Variants in AHI1 observed in about 807,000 individuals in gnomAD.
The protein encoded by AHI1 is jouberin.
AHI1 carries 123 observed loss-of-function variants against 149.3 expected under a neutral mutation model. That is an observed-to-expected ratio of 0.82 (90% confidence interval 0.71 to 0.96). The LOEUF (loss-of-function observed/expected upper bound fraction) is 0.96. Ranked by LOEUF, AHI1 falls within the 40% of genes least tolerant of loss-of-function variation. AHI1 has a pLI of 0.00. For missense variants in AHI1, 1,439 were observed against 1,422.7 expected (o/e 1.01, Z -0.18); for synonymous variants, 475 against 459.8 (o/e 1.03, Z -0.42).
intron 27 of AHI1, among the ~76,000 whole-genome samples, chr6:135,293,161 A>G (rs1239998494): frequency 6.6e-6 from 1 of 152,172 alleles, no homozygotes; most frequent in Non-Finnish European, 1.5e-5. Context: ...TACTTAACTA[A>G]TGCAAAAACA....
At chr6:135,401,538 C>T (rs898080501) in intron 22 of AHI1, among the ~76,000 whole-genome samples, 5 of 152,166 alleles carry the variant, frequency 3.3e-5, no homozygotes, top group Admixed American at 2.6e-4. Context: ...TAAATACACT[C>T]TGTTGTTAAG....
Position 135,492,610 on chromosome 6 carries a change from T to G in AHI1, c.-54-319A>C, listed in dbSNP as rs1199454570. ...TTTTTAAAGTGTTTTAATACATTAA[T>G]GAACATTTCAACGCACTTTTAAGAA... On this transcript the variant is annotated intron_variant, in intron 3 of 28. Coordinates refer to ENST00000265602, the MANE Select transcript of AHI1 (RefSeq NM_001134831.2). The G allele has an allele frequency of 4.1e-6, 4 of 985,330 alleles. No homozygotes were observed. In the East Asian group the frequency reaches 3.4e-4, roughly 84 times the overall value. 61.0% of individuals were successfully genotyped at this position (985,330 alleles called of 1,614,324 possible). A position where few individuals can be genotyped will look rare whatever the true frequency, so the allele number is the denominator to read the frequency against.
chr6:135,414,482 A>G (rs1298620548), intron 20 of AHI1, among the ~76,000 whole-genome samples: 7 of 152,182 alleles, frequency 4.6e-5, no homozygotes, highest in Admixed American at 3.9e-4. Flanking sequence ...TTAAACTGTT[A>G]AGACAATTAG....
intron 24 of AHI1, among the ~76,000 whole-genome samples, chr6:135,355,445 A>C (rs1322687599): frequency 6.6e-6 from 1 of 152,148 alleles, no homozygotes; most frequent in Non-Finnish European, 1.5e-5. Flanking sequence ...GTGAGAGGTG[A>C]CATGGAACAA....
intron 20 of AHI1, among the ~76,000 whole-genome samples, chr6:135,417,579 G>A (rs1278388055): frequency 6.6e-6 from 1 of 151,762 alleles, no homozygotes; most frequent in African/African-American, 2.4e-5. Context: ...CCTTTCGGAA[G>A]GATTAAAATG....
In AHI1 at chr6:135,469,690, A is replaced by C. The variant is rs150877092; in HGVS notation, c.136-2056T>G. ...CACATCAACCATCCTGTATTTGACAAACCTGACAAAAACAACCAATAGGGA... is the reference window on the plus strand; with the variant it reads ...CACATCAACCATCCTGTATTTGACACACCTGACAAAAACAACCAATAGGGA... On this transcript the variant is annotated intron_variant, in intron 5 of 28. Coordinates refer to ENST00000265602, the MANE Select transcript of AHI1 (RefSeq NM_001134831.2). Among the ~76,000 whole-genome samples the C allele has an allele frequency of 6.4e-3, 982 of 152,300 alleles. 16 individuals are homozygous for C. Among genetic ancestry groups the C allele is most frequent in the African/African-American group, 0.023 (938 of 41,564 alleles).
At chr6:135,434,582 A>T (rs1313140222) in intron 15 of AHI1, among the ~76,000 whole-genome samples, 1 of 152,106 alleles carries the variant, frequency 6.6e-6, no homozygotes, top group Non-Finnish European at 1.5e-5. Flanking sequence ...TAAAACAGAC[A>T]TAATATTAAA....
Position 135,313,968 on chromosome 6 carries a change from T to C in AHI1, c.3426+4551A>G, listed in dbSNP as rs532893598. On this transcript the variant is annotated intron_variant, in intron 26 of 28. Transcript: ENST00000265602. The stretch of plus-strand genomic sequence containing the variant: ...CAAAGAGTAAAGACTGTATGTTTCA[T>C]AGCATCACACAGTTTTTAATACAGA... 3.9e-5 allele frequency among the ~76,000 whole-genome samples: 6 copies of C among 152,332 alleles called. No individual in the cohort carries two copies. The East Asian group carries it at 1.2e-3, about 29-fold the overall frequency.
intron 23 of AHI1, among the ~76,000 whole-genome samples, chr6:135,374,081 CATATATATATATAT>C (rs1180224509): frequency 2.0e-5 from 1 of 50,308 alleles, no homozygotes; most frequent in Non-Finnish European, 3.9e-5. Flanking sequence ...TTTATATATA[CATATATATATATAT>C]ATATATATAT....
At chr6:135,420,571 GA>G (rs1220817208) in intron 20 of AHI1, among the ~76,000 whole-genome samples, 1 of 152,090 alleles carries the variant, frequency 6.6e-6, no homozygotes, top group East Asian at 1.9e-4. Flanking sequence ...TAATGTTATG[GA>G]GACGGTTACC....
intron 5 of AHI1, among the ~76,000 whole-genome samples, chr6:135,487,823 A>T (rs1475968209): frequency 6.6e-6 from 1 of 152,166 alleles, no homozygotes. Flanking sequence ...TTCCTCTAAG[A>T]TCTTAAGATG....
intron 24 of AHI1, among the ~76,000 whole-genome samples, chr6:135,333,969 C>T (rs1440638740): frequency 6.6e-6 from 1 of 152,144 alleles, no homozygotes; most frequent in African/African-American, 2.4e-5. Context: ...CACACATTAA[C>T]TGAAAAAGCT....
At chr6:135,311,690 G>C (rs1229052065) in intron 26 of AHI1, among the ~76,000 whole-genome samples, 1 of 152,126 alleles carries the variant, frequency 6.6e-6, no homozygotes, top group Non-Finnish European at 1.5e-5. Context: ...ACAAAAAATA[G>C]AACAAAGTTT....
rs765975049 is a variant in AHI1, at chr6:135,448,350, T to C, written c.1566A>G (p.Pro522=). ...ACAGTGTTGATGGGTAATGATTTCT[T>C]GGACATTTTGACCACCATTCAAATG... ...VEAFEWWSKC[P]RNHYPSTLYV... Residue 522 remains proline (P), a synonymous_variant, in exon 12 of 29, where the codon CCA becomes CCG. Transcript: ENST00000265602. 9 of 1,611,260 alleles carry C rather than the reference T, an allele frequency of 5.6e-6. No homozygotes were observed. In the African/African-American group the frequency reaches 1.1e-4, roughly 19 times the overall value.
chr6:135,458,585 A>C (rs1280523284), intron 8 of AHI1, among the ~76,000 whole-genome samples: 1 of 152,202 alleles, frequency 6.6e-6, no homozygotes, highest in African/African-American at 2.4e-5. Flanking sequence ...GCAACTTTTC[A>C]TCTGGGGTCA....
At chr6:135,477,147 TCTC>T (rs1792803440) in intron 5 of AHI1, among the ~76,000 whole-genome samples, 5 of 151,896 alleles carry the variant, frequency 3.3e-5, no homozygotes, top group Admixed American at 3.3e-4. Context: ...TTCATGCCAT[TCTC>T]CTGCCCCAGC....
At chr6:135,366,806 T>C (rs1774255708) in intron 23 of AHI1, among the ~76,000 whole-genome samples, 2 of 152,164 alleles carry the variant, frequency 1.3e-5, no homozygotes, top group Admixed American at 1.3e-4. Flanking sequence ...TTTGTTATTT[T>C]TTCTCTTCTG....
intron 27 of AHI1, among the ~76,000 whole-genome samples, chr6:135,298,196 A>C (rs1425707453): frequency 6.6e-6 from 1 of 152,202 alleles, no homozygotes; most frequent in African/African-American, 2.4e-5. Context: ...AAAATGTAGA[A>C]GTTTAAGATT....
At chr6:135,469,425 C>T (rs949419143) in intron 5 of AHI1, among the ~76,000 whole-genome samples, 2 of 152,068 alleles carry the variant, frequency 1.3e-5, no homozygotes, top group Non-Finnish European at 2.9e-5. Flanking sequence ...AAATTCTATG[C>T]TATTCTTATT....
Sources: allele counts gnomAD v4.1 joint callset (sites outside exome capture counted in the v4.1 genomes callset), GRCh38; gene constraint gnomAD v4.1.1; transcripts MANE v1.5; gene names NCBI Gene and HGNC (gene_info 2026-07-23, HGNC 2026-07-21).